Variants in DOCK4 observed in about 807,000 individuals in gnomAD.
DOCK4 encodes the protein dedicator of cytokinesis 4.
A neutral mutation model predicts 268.1 loss-of-function variants in DOCK4; 97 were observed. The observed-to-expected ratio is 0.36, with a 90% CI of 0.31 to 0.43. The LOEUF is 0.43. Ranked by LOEUF, DOCK4 falls within the 20% of genes least tolerant of loss-of-function variation. The pLI is 1.00. For synonymous variants in DOCK4, 954 were observed against 887.2 expected, an observed-to-expected ratio of 1.08 and a Z score of -1.34; for missense variants, 2,145 against 2,455.7, an observed-to-expected ratio of 0.87 and a Z score of 2.67.
At chr7:112,099,262 C>T (rs984380465) in intron 1 of DOCK4, among the ~76,000 whole-genome samples, 12 of 149,026 alleles carry the variant, frequency 8.1e-5, no homozygotes, top group African/African-American at 2.2e-4. Flanking sequence ...ATTGCATTTC[C>T]GCCTGGGTGA....
intron 51 of DOCK4, among the ~76,000 whole-genome samples, chr7:111,733,174 G>A (rs572268046): frequency 6.6e-6 from 1 of 152,280 alleles, no homozygotes; most frequent in South Asian, 2.1e-4. Context: ...GTCACAGTGA[G>A]GTTTGCAACT....
chr7:111,960,067 G>A (rs1178105032), intron 8 of DOCK4, among the ~76,000 whole-genome samples: 1 of 151,606 alleles, frequency 6.6e-6, no homozygotes. Flanking sequence ...TATTTATTTA[G>A]AATTGATAAA....
At chr7:111,928,792 T>C (rs1453085298) in intron 12 of DOCK4, among the ~76,000 whole-genome samples, 1 of 152,128 alleles carries the variant, frequency 6.6e-6, no homozygotes, top group African/African-American at 2.4e-5. Context: ...TTTCACCACG[T>C]TGGTCAGGCT....
At chr7:111,736,548 A>C (rs1795492941) in intron 50 of DOCK4, among the ~76,000 whole-genome samples, 1 of 152,158 alleles carries the variant, frequency 6.6e-6, no homozygotes, top group Non-Finnish European at 1.5e-5. Flanking sequence ...TGTAAGGGAG[A>C]CGAAGGATGG....
chr7:111,814,694 A>G (rs2133928321), intron 27 of DOCK4, among the ~76,000 whole-genome samples: 1 of 152,264 alleles, frequency 6.6e-6, no homozygotes, highest in East Asian at 1.9e-4. Flanking sequence ...CTGTTTCAGC[A>G]TTCTCCTGAC....
rs1321104692 is a variant in DOCK4, at chr7:111,955,980, A to G, written c.702-10182T>C. Among the ~76,000 whole-genome samples, 5 of 152,222 alleles carry G rather than the reference A, an allele frequency of 3.3e-5. No homozygotes were observed. The East Asian group carries it at 5.8e-4, about 18-fold the overall frequency. ...CTCTGGAGAACTCATTAAGAATTTC[A>G]CTAAAAAATGAGTTCCTTAGAGAAG... On this transcript the variant is annotated intron_variant, in intron 8 of 52. Transcript: ENST00000428084.
At chr7:112,003,545 A>C (rs932043420) in intron 2 of DOCK4, among the ~76,000 whole-genome samples, 1 of 152,252 alleles carries the variant, frequency 6.6e-6, no homozygotes, top group African/African-American at 2.4e-5. Context: ...ATCATCATAC[A>C]AAGTCAGACA....
At chr7:112,101,477 T>C (rs898932474) in intron 1 of DOCK4, among the ~76,000 whole-genome samples, 1 of 152,212 alleles carries the variant, frequency 6.6e-6, no homozygotes, top group African/African-American at 2.4e-5. Context: ...AAAAAGCTTA[T>C]TACAAAGGCT....
chr7:111,762,970 G>A (rs532421092), intron 39 of DOCK4, among the ~76,000 whole-genome samples: 1 of 151,656 alleles, frequency 6.6e-6, no homozygotes. Context: ...GTCTCACTAT[G>A]TTGCCCAGGC....
intron 32 of DOCK4, chr7:111,784,383 C>T (rs2133770145): frequency 3.1e-6 from 2 of 652,866 alleles, no homozygotes; most frequent in East Asian, 6.0e-5. Flanking sequence ...TATTTTCCTA[C>T]CTCTCAGTGG....
Position 111,790,490 on chromosome 7 carries a change from G to A in DOCK4, c.3282C>T (p.Asp1094=). ...VMIPIFHDMM[D]WEQRRSGNFK... Reference sequence around the variant, plus strand: ...AGTTGCCACTCCGCCTCTGCTCCCAGTCCATCATATCATGAAAAATTGGAA... The same window carrying A: ...AGTTGCCACTCCGCCTCTGCTCCCAATCCATCATATCATGAAAAATTGGAA... Residue 1094 remains aspartate, a synonymous_variant, in exon 31 of 53, where the codon GAC becomes GAT. Transcript: ENST00000428084. The A allele has an allele frequency of 6.2e-7, 1 of 1,613,940 alleles. No individual in the cohort carries two copies. Among genetic ancestry groups the A allele is most frequent in the Non-Finnish European group, 8.5e-7 (1 of 1,179,864 alleles).
At chr7:112,019,503 C>T (rs1802134688) in intron 1 of DOCK4, among the ~76,000 whole-genome samples, 1 of 151,982 alleles carries the variant, frequency 6.6e-6, no homozygotes, top group African/African-American at 2.4e-5. Flanking sequence ...TTAATGAATT[C>T]TGGAAGTTAA....
chr7:111,870,394 C>G (rs181027944), intron 20 of DOCK4, among the ~76,000 whole-genome samples: 144 of 150,520 alleles, frequency 9.6e-4, no homozygotes, highest in African/African-American at 3.3e-3. Flanking sequence ...CTTGGCTCAC[C>G]GCAACCTCTG....
chr7:111,818,602 A>G (rs1801744996), intron 27 of DOCK4, among the ~76,000 whole-genome samples: 1 of 152,148 alleles, frequency 6.6e-6, no homozygotes, highest in Non-Finnish European at 1.5e-5. Flanking sequence ...CATCATCAAC[A>G]TCTCTTACCT....
intron 1 of DOCK4, among the ~76,000 whole-genome samples, chr7:112,151,401 T>C (rs546627255): frequency 1.5e-3 from 223 of 152,204 alleles, no homozygotes; most frequent in African/African-American, 5.1e-3. Context: ...ATATGGTAGA[T>C]AGTAGCAGTA....
intron 23 of DOCK4, among the ~76,000 whole-genome samples, chr7:111,854,780 G>A (rs1804867706): frequency 6.6e-6 from 1 of 152,198 alleles, no homozygotes; most frequent in Admixed American, 6.5e-5. Context: ...TTTGCACCAG[G>A]CACTATTAGG....
At chr7:112,176,660 C>T (rs1324292984) in intron 1 of DOCK4, among the ~76,000 whole-genome samples, 1 of 152,156 alleles carries the variant, frequency 6.6e-6, no homozygotes, top group Non-Finnish European at 1.5e-5. Flanking sequence ...TTAATTTTTA[C>T]TCCCCAGAGT....
Position 111,812,022 on chromosome 7 carries a change from C to CTTAG in DOCK4, c.2931-74_2931-73insCTAA, listed in dbSNP as rs1433812137. 23 of 779,786 alleles carry CTTAG rather than the reference C, an allele frequency of 2.9e-5. No individual in the cohort carries two copies. The African/African-American group carries it at 4.1e-4, about 14-fold the overall frequency. The allele number at this position is 779,786 out of a possible 1,614,324, so 48.3% of individuals were successfully genotyped here. Reference sequence around the variant, plus strand: ...TCATTTAGTATACAAGAATAAAAACCTACTAAGATAAAATAAAACCTTCTT... The same window carrying CTTAG: ...TCATTTAGTATACAAGAATAAAAACCTTAGTACTAAGATAAAATAAAACCTTCTT... On this transcript the variant is annotated intron_variant, in intron 27 of 52. Coordinates refer to ENST00000428084, the MANE Select transcript of DOCK4 (RefSeq NM_001363540.2).
chr7:111,952,476 A>T (rs970784628), intron 8 of DOCK4, among the ~76,000 whole-genome samples: 5 of 152,164 alleles, frequency 3.3e-5, no homozygotes, highest in Non-Finnish European at 5.9e-5. Context: ...ATTTTACATG[A>T]AATATATTTT....
Sources: allele counts gnomAD v4.1 joint callset (sites outside exome capture counted in the v4.1 genomes callset), GRCh38; gene constraint gnomAD v4.1.1; transcripts MANE v1.5; gene names NCBI Gene and HGNC (gene_info 2026-07-23, HGNC 2026-07-21).